The following LRP1B variants were observed in gnomAD, a reference collection of about 807,000 sequenced individuals.
The protein encoded by LRP1B is low-density lipoprotein receptor-related protein 1B.
LRP1B carries 217 observed loss-of-function variants against 556.6 expected under a neutral mutation model. The observed-to-expected ratio is 0.39, with a 90% CI of 0.35 to 0.44. The LOEUF (loss-of-function observed/expected upper bound fraction) is 0.44. Ranked by LOEUF, LRP1B falls within the 20% of genes least tolerant of loss-of-function variation. The pLI, the probability that LRP1B is intolerant of heterozygous loss-of-function variation, is 1.00. For missense variants in LRP1B, 5,053 were observed against 5,620.8 expected (o/e 0.90, Z 3.23); for synonymous variants, 2,047 against 1,865.8 (o/e 1.10, Z -2.50).
intron 7 of LRP1B, among the ~76,000 whole-genome samples, chr2:141,145,441 C>T (rs1452797903): frequency 6.6e-6 from 1 of 151,976 alleles, no homozygotes; most frequent in Non-Finnish European, 1.5e-5. Flanking sequence ...CTTTTAAAGA[C>T]ACATAAAGCT....
At chr2:140,336,345 C>T (rs548577493) in intron 77 of LRP1B, among the ~76,000 whole-genome samples, 1 of 150,214 alleles carries the variant, frequency 6.7e-6, no homozygotes, top group Non-Finnish European at 1.5e-5. Context: ...GGCTTGGTTA[C>T]AGTCTTAGGC....
chr2:140,665,940 A>G (rs766655456), intron 41 of LRP1B, among the ~76,000 whole-genome samples: 21 of 151,762 alleles, frequency 1.4e-4, no homozygotes, highest in Non-Finnish European at 2.9e-4. Context: ...TTATATACTC[A>G]TTCTCAACCT....
chr2:140,659,103 T>A (rs1390635687), intron 41 of LRP1B, among the ~76,000 whole-genome samples: 2 of 126,110 alleles, frequency 1.6e-5, no homozygotes, highest in South Asian at 2.3e-4. Context: ...AATCTGTTTT[T>A]TTTTTTTTTT....
intron 2 of LRP1B, among the ~76,000 whole-genome samples, chr2:141,664,826 A>G (rs1690361795): frequency 1.3e-5 from 2 of 152,172 alleles, no homozygotes; most frequent in Admixed American, 6.5e-5. Flanking sequence ...ACTACCATTG[A>G]CATCCTCACA....
chr2:140,601,416 T>A, intron 42 of LRP1B, 34 bp downstream of exon 42: 1 of 1,470,678 alleles, frequency 6.8e-7, no homozygotes, highest in Non-Finnish European at 9.3e-7. Flanking sequence ...GACTTATAAC[T>A]ATAATGAAGA....
At chr2:142,121,338 C>T (rs188409269) in intron 1 of LRP1B, among the ~76,000 whole-genome samples, 3 of 152,222 alleles carry the variant, frequency 2.0e-5, no homozygotes, top group Admixed American at 2.0e-4. Flanking sequence ...CCAGTAGCTG[C>T]TCAAAATCAG....
chr2:141,049,772 T>C (rs772275134), intron 10 of LRP1B, among the ~76,000 whole-genome samples: 8 of 152,050 alleles, frequency 5.3e-5, no homozygotes, highest in Non-Finnish European at 1.0e-4. Flanking sequence ...AGAAATAAAA[T>C]TAAATACCAG....
chr2:142,120,404 G>C (rs1431184000), intron 1 of LRP1B, among the ~76,000 whole-genome samples: 1 of 152,170 alleles, frequency 6.6e-6, no homozygotes, highest in Admixed American at 6.5e-5. Flanking sequence ...GAGCCACCAT[G>C]CCCGGCCTTT....
At chr2:140,807,908 A>G (rs142057938) in intron 32 of LRP1B, among the ~76,000 whole-genome samples, 3,117 of 151,490 alleles carry the variant, frequency 0.021, 97 homozygotes, top group African/African-American at 0.071. Context: ...CCTAGCCAAC[A>G]TGGTGAAACC....
chr2:140,659,070 C>A (rs1292584535), intron 41 of LRP1B, among the ~76,000 whole-genome samples: 1 of 130,422 alleles, frequency 7.7e-6, no homozygotes, highest in Non-Finnish European at 1.6e-5. Flanking sequence ...ACATGTTAGG[C>A]AATGGGTTGT....
chr2:140,296,947 G>T (rs1385025181), intron 84 of LRP1B, among the ~76,000 whole-genome samples: 1 of 152,040 alleles, frequency 6.6e-6, no homozygotes, highest in Non-Finnish European at 1.5e-5. Context: ...AGTAAAATAA[G>T]GTTATTACAA....
chr2:140,816,842 A>G (rs867296986), intron 31 of LRP1B, among the ~76,000 whole-genome samples: 6 of 152,166 alleles, frequency 3.9e-5, no homozygotes, highest in Non-Finnish European at 7.4e-5. Flanking sequence ...TTATTAATGC[A>G]AATGTTTTTG....
At chr2:141,758,158 G>T (rs1031813872) in intron 2 of LRP1B, among the ~76,000 whole-genome samples, 2 of 152,028 alleles carry the variant, frequency 1.3e-5, no homozygotes, top group African/African-American at 4.8e-5. Flanking sequence ...ACAGAGAGGA[G>T]CAAAATTTAT....
At chr2:141,983,155 A>G (rs937967199) in intron 1 of LRP1B, among the ~76,000 whole-genome samples, 1 of 144,558 alleles carries the variant, frequency 6.9e-6, no homozygotes, top group African/African-American at 2.6e-5. Context: ...GAGGCATGGT[A>G]TAGTAAAAAT....
At chr2:142,065,713 C>CA (rs1355759533) in intron 1 of LRP1B, among the ~76,000 whole-genome samples, 1 of 151,358 alleles carries the variant, frequency 6.6e-6, no homozygotes, top group Non-Finnish European at 1.5e-5. Context: ...CGTTTGGCCT[C>CA]AAACTGTTTA....
chr2:140,546,587 C>T (rs188910404), intron 43 of LRP1B, among the ~76,000 whole-genome samples: 1 of 152,178 alleles, frequency 6.6e-6, no homozygotes, highest in African/African-American at 2.4e-5. Flanking sequence ...TGATAACTCA[C>T]TCACTATCAT....
intron 15 of LRP1B, among the ~76,000 whole-genome samples, chr2:140,994,688 C>A (rs555394102): frequency 2.9e-4 from 44 of 152,004 alleles, no homozygotes; most frequent in Non-Finnish European, 4.4e-4. Flanking sequence ...GTAACCATTT[C>A]ACTATGTATA....
chr2:141,673,271 C>T (rs1019713845), intron 2 of LRP1B, among the ~76,000 whole-genome samples: 2 of 152,136 alleles, frequency 1.3e-5, no homozygotes, highest in African/African-American at 2.4e-5. Context: ...ACTAAAAAAC[C>T]TTTACTGCAA....
At chr2:141,686,429 T>C (rs1031846817) in intron 2 of LRP1B, among the ~76,000 whole-genome samples, 18 of 152,140 alleles carry the variant, frequency 1.2e-4, no homozygotes, top group African/African-American at 3.9e-4. Context: ...TATATATACA[T>C]ACCTTAGCTA....
Sources: gnomAD v4.1 joint callset for allele counts (sites outside exome capture counted in the v4.1 genomes callset) on GRCh38, gnomAD v4.1.1 for gene constraint, MANE v1.5 for transcripts, NCBI Gene and HGNC (gene_info 2026-07-23, HGNC 2026-07-21) for gene names.